The following NRP1 variants were observed in gnomAD, a reference collection of about 807,000 sequenced individuals.
The protein encoded by NRP1 is neuropilin 1.
Under a neutral mutation model 106.7 loss-of-function variants are expected in NRP1, and 35 were observed. The ratio of observed to expected loss-of-function variants is 0.33; its 90% CI spans 0.25 to 0.43. NRP1 has a LOEUF of 0.43. Among genes scored for constraint, NRP1 ranks in the 20% least tolerant of loss-of-function variants. The pLI is 1.00. For missense variants in NRP1, 1,024 were observed against 1,170.4 expected, an observed-to-expected ratio of 0.87 and a Z score of 1.83; for synonymous variants, 437 against 417.9, an observed-to-expected ratio of 1.05 and a Z score of -0.56.
intron 14 of NRP1, 25 bp downstream of exon 14, chr10:33,186,192 C>A: frequency 6.4e-7 from 1 of 1,558,330 alleles, no homozygotes; most frequent in Non-Finnish European, 8.7e-7. Flanking sequence ...CCACTGCCCT[C>A]CCCAGCCTTG....
At chr10:33,270,537 G>C in intron 3 of NRP1, 138 bp downstream of exon 3, 1 of 619,658 alleles carries the variant, frequency 1.6e-6, no homozygotes, top group Non-Finnish European at 2.6e-6. Flanking sequence ...ATGTTGGCCA[G>C]GCTGGTCTTG....
At position 33,186,189 on chromosome 10, in the gene NRP1, C is replaced by T; in HGVS notation, c.2334+28G>A. The T allele has an allele frequency of 2.6e-6, 4 of 1,550,986 alleles. No homozygotes were observed. In the East Asian group the frequency reaches 6.8e-5, roughly 26 times the overall value. ...ATCTCAGCATTCCTGCAGCCACTGC[C>T]CTCCCCAGCCTTGGGAAGAGGTCAT... On this transcript the variant is annotated intron_variant, in intron 14 of 16. Coordinates refer to ENST00000374867, the MANE Select transcript of NRP1 (RefSeq NM_003873.7).
intron 6 of NRP1, among the ~76,000 whole-genome samples, chr10:33,235,319 C>A (rs1386190988): frequency 6.6e-6 from 1 of 152,156 alleles, no homozygotes; most frequent in African/African-American, 2.4e-5. Context: ...AATCCAGCTA[C>A]CCAAATCACT....
At chr10:33,197,085 C>T (rs1836840464) in intron 12 of NRP1, among the ~76,000 whole-genome samples, 2 of 152,126 alleles carry the variant, frequency 1.3e-5, no homozygotes, top group Admixed American at 6.5e-5. Context: ...GACAGCAAAC[C>T]GAGGGCTTTA....
chr10:33,306,656 G>T (rs1237208019), intron 2 of NRP1, among the ~76,000 whole-genome samples: 1 of 152,134 alleles, frequency 6.6e-6, no homozygotes, highest in Non-Finnish European at 1.5e-5. Flanking sequence ...GGTAGTCAAT[G>T]ATGTCTTTTA....
intron 13 of NRP1, among the ~76,000 whole-genome samples, chr10:33,188,693 A>G (rs1050862700): frequency 5.3e-5 from 8 of 151,820 alleles, no homozygotes; most frequent in Non-Finnish European, 1.2e-4. Context: ...CCTGGCCAAC[A>G]TGACAAAACC....
chr10:33,258,181 T>C (rs113804740), intron 4 of NRP1, among the ~76,000 whole-genome samples: 85 of 152,322 alleles, frequency 5.6e-4, no homozygotes, highest in African/African-American at 2.0e-3. Context: ...TCGGAGCCAC[T>C]GTTTCGTGGA....
At position 33,263,840 on chromosome 10, in the gene NRP1, C is replaced by T. The variant is rs774445478; in HGVS notation, c.464G>A (p.Ser155Asn). The T allele has an allele frequency of 1.9e-6, 3 of 1,613,558 alleles. No homozygotes were observed. The highest frequency in any genetic ancestry group is 2.5e-6 in the Non-Finnish European group (3 of 1,179,476). ...PECSQNYTTP[S>N]GVIKSPGFPE... is the part of the protein sequence containing the mutation. ...GAATCCGGGGGACTTTATCACTCCACTAGGTGTTGTGTAGTTCTGGGAACA... is the reference window on the plus strand; with the variant it reads ...GAATCCGGGGGACTTTATCACTCCATTAGGTGTTGTGTAGTTCTGGGAACA... Residue 155 changes from serine (S) to asparagine (N), a missense_variant, in exon 4 of 17, where the codon AGT becomes AAT. By Grantham distance (46) the Ser-to-Asn change is conservative (BLOSUM62 1). Coordinates refer to ENST00000374867, the MANE Select transcript of NRP1 (RefSeq NM_003873.7).
At chr10:33,220,106 G>A (rs1839109340) in intron 8 of NRP1, among the ~76,000 whole-genome samples, 1 of 152,168 alleles carries the variant, frequency 6.6e-6, no homozygotes, top group South Asian at 2.1e-4. Context: ...AAGTCTGTCT[G>A]TGGGATGGAA....
rs1847560224 is a variant in NRP1, at chr10:33,322,212, T to C, written c.248+8496A>G. ...GTATCTAATATGCCCTTTTACCAATTGAACAGATCAAACCCATGTGTGGCC... is the reference window on the plus strand; with the variant it reads ...GTATCTAATATGCCCTTTTACCAATCGAACAGATCAAACCCATGTGTGGCC... On this transcript the variant is annotated intron_variant, in intron 2 of 16. Coordinates refer to ENST00000374867, the MANE Select transcript of NRP1 (RefSeq NM_003873.7). 2.0e-5 allele frequency among the ~76,000 whole-genome samples: 3 copies of C among 152,182 alleles called. No individual in the cohort carries two copies. In the South Asian group the frequency reaches 6.2e-4, roughly 32 times the overall value.
At chr10:33,217,727 C>T (rs555444039) in intron 8 of NRP1, among the ~76,000 whole-genome samples, 111 of 152,264 alleles carry the variant, frequency 7.3e-4, no homozygotes, top group African/African-American at 2.4e-3. Context: ...TGTTTGTCTG[C>T]GTCAAATTTA....
rs1208948667 is a variant in NRP1, at chr10:33,178,076, T to A, written c.*2000A>T. ...GGTAGGATTATATCAACTAAATGAA[T>A]GTCTCTGGGGACAAAAAACTATTCT... On this transcript the variant is annotated 3_prime_UTR_variant, in exon 17 of 17. Coordinates refer to ENST00000374867, the MANE Select transcript of NRP1 (RefSeq NM_003873.7). 6.6e-6 allele frequency: 1 copy of A among 152,644 alleles called. No individual in the cohort carries two copies. Among genetic ancestry groups the A allele is most frequent in the Non-Finnish European group, 1.5e-5 (1 of 68,040 alleles). The allele number at this position is 152,644 out of a possible 1,614,324, so 9.5% of individuals were successfully genotyped here.
In NRP1 at chr10:33,178,638, A is replaced by G. The variant is rs887199910; in HGVS notation, c.*1438T>C. The G allele has an allele frequency of 6.6e-6, 1 of 152,282 alleles. No individual in the cohort carries two copies. The highest frequency in any genetic ancestry group is 2.1e-4 in the South Asian group (1 of 4,826). 9.4% of individuals were successfully genotyped at this position (152,282 alleles called of 1,614,324 possible). A position where few individuals can be genotyped will look rare whatever the true frequency, so the allele number is the denominator to read the frequency against. ...GAAAGTTCTCTTGGGTCATTTTTGC[A>G]TATTTGGATAGAAAAATCTCATGCT... On this transcript the variant is annotated 3_prime_UTR_variant, in exon 17 of 17. Transcript: ENST00000374867.
At chr10:33,208,125 C>T (rs1837962600) in intron 9 of NRP1, among the ~76,000 whole-genome samples, 1 of 152,154 alleles carries the variant, frequency 6.6e-6, no homozygotes, top group Non-Finnish European at 1.5e-5. Flanking sequence ...GGGGTTTCAC[C>T]ATGTTGCCCA....
At chr10:33,331,223 A>T (rs1848263460) in intron 1 of NRP1, among the ~76,000 whole-genome samples, 1 of 152,208 alleles carries the variant, frequency 6.6e-6, no homozygotes, top group African/African-American at 2.4e-5. Context: ...GCTAGACTTA[A>T]TTATCCCCCA....
intron 16 of NRP1, among the ~76,000 whole-genome samples, chr10:33,181,198 T>C (rs1182170919): frequency 2.6e-5 from 4 of 152,206 alleles, no homozygotes; most frequent in Admixed American, 2.0e-4. Flanking sequence ...ACGCACAATA[T>C]GCCTGGGGTT....
chr10:33,181,986 C>A (rs757581142), intron 16 of NRP1, among the ~76,000 whole-genome samples: 2 of 152,032 alleles, frequency 1.3e-5, no homozygotes, highest in Non-Finnish European at 2.9e-5. Flanking sequence ...GTAGTCTGCT[C>A]GGAAGGTTGA....
intron 4 of NRP1, among the ~76,000 whole-genome samples, chr10:33,261,022 T>G (rs1024246930): frequency 7.1e-6 from 1 of 140,414 alleles, no homozygotes; most frequent in African/African-American, 2.6e-5. Flanking sequence ...TCCAGGAAGA[T>G]GCAGTTTTAT....
chr10:33,264,073 A>T (rs947137733), intron 3 of NRP1, among the ~76,000 whole-genome samples, 200 bp from the exon 4 acceptor site: 1 of 152,204 alleles, frequency 6.6e-6, no homozygotes, highest in African/African-American at 2.4e-5. Context: ...TGTTAACCTT[A>T]GCTTTCCATT....
Sources: allele counts gnomAD v4.1 joint callset (sites outside exome capture counted in the v4.1 genomes callset), GRCh38; gene constraint gnomAD v4.1.1; transcripts MANE v1.5; gene names NCBI Gene and HGNC (gene_info 2026-07-23, HGNC 2026-07-21).